PCDH9: variants seen among roughly 807,000 people sequenced by gnomAD.
The protein encoded by PCDH9 is protocadherin 9.
A neutral mutation model predicts 70.6 loss-of-function variants in PCDH9; 24 were observed. The observed-to-expected ratio is 0.34, with a 90% CI of 0.25 to 0.48. PCDH9 has a LOEUF of 0.48. PCDH9 is among the 20% of genes least tolerant of loss of function. The pLI is 0.99. For synonymous variants in PCDH9, 562 were observed against 558.5 expected, an observed-to-expected ratio of 1.01 and a Z score of -0.09; for missense variants, 1,281 against 1,503.6, an observed-to-expected ratio of 0.85 and a Z score of 2.45.
At chr13:66,984,290 T>C (rs1221930132) in intron 2 of PCDH9, among the ~76,000 whole-genome samples, 1 of 152,212 alleles carries the variant, frequency 6.6e-6, no homozygotes, top group Non-Finnish European at 1.5e-5. Flanking sequence ...AAGGGTTTCC[T>C]TAACAATTAC....
chr13:67,009,789 G>GT (rs896228331), intron 2 of PCDH9, among the ~76,000 whole-genome samples: 42 of 150,464 alleles, frequency 2.8e-4, no homozygotes, highest in African/African-American at 4.1e-4. Context: ...ATTTAGTTAA[G>GT]TTTTTTTTTG....
Position 66,975,703 on chromosome 13 carries a change from G to A in PCDH9, c.3037-72098C>T, listed in dbSNP as rs568197081. 2.6e-5 allele frequency among the ~76,000 whole-genome samples: 4 copies of A among 151,940 alleles called. 1 individual carries two copies. Among genetic ancestry groups the A allele is most frequent in the South Asian group, 2.1e-4 (1 of 4,822 alleles). The stretch of plus-strand genomic sequence containing the variant: ...CTCATTCAGCAAACCTTTATTAAGC[G>A]CCCACTATGTGCCAGGAACCAGATA... On this transcript the variant is annotated intron_variant, in intron 2 of 4. Transcript: ENST00000377865.
At chr13:66,435,210 G>A (rs1957846788) in intron 4 of PCDH9, among the ~76,000 whole-genome samples, 1 of 152,120 alleles carries the variant, frequency 6.6e-6, no homozygotes, top group African/African-American at 2.4e-5. Flanking sequence ...GGAATTAAGT[G>A]AGACTATAAA....
intron 2 of PCDH9, among the ~76,000 whole-genome samples, chr13:66,927,891 C>A (rs1431239155): frequency 6.6e-6 from 1 of 152,026 alleles, no homozygotes; most frequent in African/African-American, 2.4e-5. Context: ...CACAATTCTG[C>A]CCATAACACC....
intron 2 of PCDH9, among the ~76,000 whole-genome samples, chr13:67,047,638 T>C (rs1476134785): frequency 1.3e-5 from 2 of 152,180 alleles, no homozygotes; most frequent in Non-Finnish European, 2.9e-5. Context: ...AGGGAGGAGT[T>C]AATGTAACGC....
chr13:66,907,362 G>A (rs947718831), intron 2 of PCDH9, among the ~76,000 whole-genome samples: 7 of 152,134 alleles, frequency 4.6e-5, no homozygotes, highest in Non-Finnish European at 1.0e-4. Flanking sequence ...AATCAAACTT[G>A]AGAAGTCTAA....
At chr13:67,020,763 A>G (rs1035424873) in intron 2 of PCDH9, among the ~76,000 whole-genome samples, 2 of 152,226 alleles carry the variant, frequency 1.3e-5, no homozygotes, top group African/African-American at 4.8e-5. Context: ...GAAGAGAATC[A>G]TCATCATAAC....
chr13:66,826,793 T>A (rs1249074595), intron 3 of PCDH9, among the ~76,000 whole-genome samples: 1 of 152,174 alleles, frequency 6.6e-6, no homozygotes, highest in East Asian at 1.9e-4. Context: ...ACTTAAAGGA[T>A]GAGACTAATC....
intron 3 of PCDH9, among the ~76,000 whole-genome samples, chr13:66,657,348 T>C (rs1178433499): frequency 6.6e-6 from 1 of 152,170 alleles, no homozygotes; most frequent in African/African-American, 2.4e-5. Context: ...GGGAGGCGCC[T>C]GGCATCTGGC....
At chr13:66,532,366 T>A (rs1335604454) in intron 4 of PCDH9, among the ~76,000 whole-genome samples, 1 of 152,132 alleles carries the variant, frequency 6.6e-6, no homozygotes, top group East Asian at 1.9e-4. Flanking sequence ...TGAGTCAGCA[T>A]AGAATTTGTC....
chr13:66,837,006 C>T lies in PCDH9; in HGVS notation c.3138+66498G>A, dbSNP rs1031827022. ...TATACGCTAAAAATCAGCACCCTCC[C>T]CATCACCTCTTGTCAGCATCCACAT... On this transcript the variant is annotated intron_variant, in intron 3 of 4. Transcript: ENST00000377865. Among the ~76,000 whole-genome samples the T allele has an allele frequency of 2.0e-5, 3 of 152,220 alleles. No homozygotes were observed. In the East Asian group the frequency reaches 5.8e-4, roughly 29 times the overall value.
At chr13:66,923,667 G>A (rs1477427613) in intron 2 of PCDH9, among the ~76,000 whole-genome samples, 1 of 151,504 alleles carries the variant, frequency 6.6e-6, no homozygotes, top group Non-Finnish European at 1.5e-5. Flanking sequence ...CTGAAGCATA[G>A]AATGATTAAG....
intron 3 of PCDH9, among the ~76,000 whole-genome samples, chr13:66,765,695 C>T (rs2079704382): frequency 6.6e-6 from 1 of 152,038 alleles, no homozygotes; most frequent in Non-Finnish European, 1.5e-5. Context: ...AATTTACTTT[C>T]AAATGTTGTA....
rs75160274 is a variant in PCDH9, at chr13:66,350,922, G to A, written c.3341-45894C>T. ...TACTTGATATATTTTGAAATCTTTCGTAGGCCAAAATGTAATTTATCTTCT... is the reference window on the plus strand; with the variant it reads ...TACTTGATATATTTTGAAATCTTTCATAGGCCAAAATGTAATTTATCTTCT... On this transcript the variant is annotated intron_variant, in intron 4 of 4. Coordinates refer to ENST00000377865, the MANE Select transcript of PCDH9 (RefSeq NM_203487.3). 5.8e-3 allele frequency among the ~76,000 whole-genome samples: 889 copies of A among 152,064 alleles called. 9 individuals carry two copies. The highest frequency in any genetic ancestry group is 0.02 in the African/African-American group (821 of 41,486).
At chr13:67,102,541 A>T (rs1243030247) in intron 2 of PCDH9, among the ~76,000 whole-genome samples, 1 of 152,218 alleles carries the variant, frequency 6.6e-6, no homozygotes. Flanking sequence ...ATAGAAAAAA[A>T]AACAGGTTAA....
intron 3 of PCDH9, chr13:66,876,986 T>A (rs1481630880): frequency 1.3e-5 from 2 of 151,964 alleles, no homozygotes; most frequent in Admixed American, 1.3e-4. Context: ...GTAGATTAAA[T>A]ACGACAATGT....
At chr13:66,891,273 A>C (rs1016845096) in intron 3 of PCDH9, among the ~76,000 whole-genome samples, 9 of 152,082 alleles carry the variant, frequency 5.9e-5, no homozygotes, top group Non-Finnish European at 1.0e-4. Context: ...AGATATTACT[A>C]TCATATTATG....
chr13:66,852,446 G>T (rs1452006519), intron 3 of PCDH9, among the ~76,000 whole-genome samples: 1 of 151,982 alleles, frequency 6.6e-6, no homozygotes, highest in Non-Finnish European at 1.5e-5. Context: ...AACATTTAAT[G>T]ACCTAATTAC....
intron 4 of PCDH9, among the ~76,000 whole-genome samples, chr13:66,622,060 T>A (rs2077429064): frequency 6.6e-6 from 1 of 152,222 alleles, no homozygotes; most frequent in East Asian, 1.9e-4. Flanking sequence ...CCGGCCCTGT[T>A]GGCCCAGGGC....
Sources: allele counts gnomAD v4.1 joint callset (sites outside exome capture counted in the v4.1 genomes callset), GRCh38; gene constraint gnomAD v4.1.1; transcripts MANE v1.5; gene names NCBI Gene and HGNC (gene_info 2026-07-23, HGNC 2026-07-21).